Variants in SLC10A7 observed in about 807,000 individuals in gnomAD.
SLC10A7 encodes the protein solute carrier family 10 member 7.
Under a neutral mutation model 43.2 loss-of-function variants are expected in SLC10A7, and 29 were observed. The observed-to-expected ratio is 0.67, with a 90% CI of 0.50 to 0.92. The LOEUF (loss-of-function observed/expected upper bound fraction) is 0.92, where lower values mean the gene tolerates loss of function less well. Ranked by LOEUF, SLC10A7 falls within the 40% of genes least tolerant of loss-of-function variation. SLC10A7 has a pLI of 0.00. For missense variants in SLC10A7, 295 were observed against 403.2 expected (o/e 0.73, Z 2.30); for synonymous variants, 152 against 144.8 (o/e 1.05, Z -0.35).
At chr4:146,469,761 T>C (rs1055693340) in intron 4 of SLC10A7, among the ~76,000 whole-genome samples, 2 of 152,090 alleles carry the variant, frequency 1.3e-5, no homozygotes, top group East Asian at 3.9e-4. Flanking sequence ...CCCGAGTAGT[T>C]TGGACCACAG....
intron 5 of SLC10A7, among the ~76,000 whole-genome samples, chr4:146,411,229 G>A (rs964381362): frequency 1.3e-5 from 2 of 152,090 alleles, no homozygotes; most frequent in Non-Finnish European, 2.9e-5. Flanking sequence ...TTTCCCAAAA[G>A]CAGGTATTTT....
At chr4:146,298,620 T>C (rs1246850431) in intron 7 of SLC10A7, among the ~76,000 whole-genome samples, 2 of 152,222 alleles carry the variant, frequency 1.3e-5, no homozygotes, top group Non-Finnish European at 2.9e-5. Context: ...TTCTGTTTCA[T>C]TGTTTATTTG....
intron 5 of SLC10A7, among the ~76,000 whole-genome samples, chr4:146,382,153 A>G (rs1737671897): frequency 6.6e-6 from 1 of 152,140 alleles, no homozygotes; most frequent in African/African-American, 2.4e-5. Context: ...TTCTGTTATC[A>G]TCATACGGAG....
chr4:146,354,434 A>G (rs1735404197), intron 5 of SLC10A7, among the ~76,000 whole-genome samples: 1 of 152,044 alleles, frequency 6.6e-6, no homozygotes, highest in African/African-American at 2.4e-5. Context: ...GGGTAGGAAG[A>G]ATCAATATCG....
At chr4:146,340,824 C>T (rs1009419394) in intron 5 of SLC10A7, among the ~76,000 whole-genome samples, 3 of 151,742 alleles carry the variant, frequency 2.0e-5, no homozygotes, top group African/African-American at 7.3e-5. Context: ...ATATCTTCTG[C>T]TAATCATTTC....
Position 146,368,706 on chromosome 4 carries a change from G to C in SLC10A7, c.436-42710C>G, listed in dbSNP as rs550795561. Among the ~76,000 whole-genome samples the C allele has an allele frequency of 3.9e-5, 6 of 152,240 alleles. No individual in the cohort carries two copies. The East Asian group carries it at 7.7e-4, about 20-fold the overall frequency. ...TTTGAGTAACATATTTTTATCAAGT[G>C]TATATTCAATTTCTGTCACAAGTGA... On this transcript the variant is annotated intron_variant, in intron 5 of 11. Transcript: ENST00000335472.
chr4:146,382,057 G>GAA (rs879816082), intron 5 of SLC10A7, among the ~76,000 whole-genome samples: 7 of 146,700 alleles, frequency 4.8e-5, no homozygotes, highest in Admixed American at 4.1e-4. Flanking sequence ...TGGGATAAGA[G>GAA]AAAAAAAAAA....
intron 7 of SLC10A7, among the ~76,000 whole-genome samples, chr4:146,304,773 G>A (rs1731427092): frequency 6.6e-6 from 1 of 152,116 alleles, no homozygotes. Context: ...GGTCCTCTTG[G>A]TGCAGAGCTG....
At chr4:146,296,934 A>T (rs1054027141) in intron 7 of SLC10A7, among the ~76,000 whole-genome samples, 2 of 152,290 alleles carry the variant, frequency 1.3e-5, no homozygotes, top group East Asian at 3.9e-4. Context: ...AATTCATGTC[A>T]TTTTAAAATT....
At chr4:146,288,731 C>T (rs1300477491) in intron 9 of SLC10A7, among the ~76,000 whole-genome samples, 2 of 152,176 alleles carry the variant, frequency 1.3e-5, no homozygotes, top group Non-Finnish European at 2.9e-5. Context: ...ATTGGGTCTG[C>T]TCACATTCTT....
chr4:146,322,488 T>C (rs1459557703), intron 6 of SLC10A7, among the ~76,000 whole-genome samples: 1 of 151,758 alleles, frequency 6.6e-6, no homozygotes, highest in East Asian at 1.9e-4. Context: ...TTTGTCCTTG[T>C]GATAGTTTGC....
chr4:146,469,625 C>T (rs548688279), intron 4 of SLC10A7, among the ~76,000 whole-genome samples: 2 of 151,840 alleles, frequency 1.3e-5, no homozygotes, highest in Non-Finnish European at 2.9e-5. Flanking sequence ...TGTATAAAAC[C>T]CAAAGATTAT....
At chr4:146,332,858 T>C (rs370556145) in intron 5 of SLC10A7, among the ~76,000 whole-genome samples, 1 of 152,154 alleles carries the variant, frequency 6.6e-6, no homozygotes, top group East Asian at 1.9e-4. Context: ...ATAACCACAC[T>C]AAGGTGTGCT....
At chr4:146,321,349 C>T (rs376604628) in intron 6 of SLC10A7, among the ~76,000 whole-genome samples, 4 of 152,098 alleles carry the variant, frequency 2.6e-5, no homozygotes, top group African/African-American at 9.7e-5. Context: ...TCCATCATCA[C>T]ATAGAATTCC....
intron 5 of SLC10A7, among the ~76,000 whole-genome samples, chr4:146,435,164 C>T (rs564280363): frequency 6.6e-6 from 1 of 152,124 alleles, no homozygotes; most frequent in Non-Finnish European, 1.5e-5. Context: ...CAAACTAAAT[C>T]TGCCATTTCC....
chr4:146,518,690 T>C (rs188197242), intron 1 of SLC10A7, among the ~76,000 whole-genome samples: 1 of 152,108 alleles, frequency 6.6e-6, no homozygotes, highest in Admixed American at 6.5e-5. Flanking sequence ...ACCGGTATTC[T>C]TAAAAGATGG....
intron 5 of SLC10A7, among the ~76,000 whole-genome samples, chr4:146,376,315 G>A (rs573297927): frequency 6.6e-6 from 1 of 152,284 alleles, no homozygotes; most frequent in Non-Finnish European, 1.5e-5. Context: ...GAAATACTGG[G>A]TAGAAGAGGG....
chr4:146,447,580 T>A (rs536761830), intron 4 of SLC10A7, among the ~76,000 whole-genome samples: 4 of 152,186 alleles, frequency 2.6e-5, no homozygotes, highest in African/African-American at 4.8e-5. Context: ...TACACAGTAA[T>A]GTTTTTATTA....
chr4:146,449,249 G>A (rs751870980), intron 4 of SLC10A7, among the ~76,000 whole-genome samples: 44 of 152,254 alleles, frequency 2.9e-4, no homozygotes, highest in Admixed American at 5.2e-4. Flanking sequence ...AACAGCAAAG[G>A]TGAGGGGCTG....
Sources: allele counts gnomAD v4.1 joint callset (sites outside exome capture counted in the v4.1 genomes callset), GRCh38; gene constraint gnomAD v4.1.1; transcripts MANE v1.5; gene names NCBI Gene and HGNC (gene_info 2026-07-23, HGNC 2026-07-21).